Variants in CSMD1 observed in about 807,000 individuals in gnomAD.
CSMD1 encodes CUB and sushi domain-containing protein 1.
Under a neutral mutation model 417.5 loss-of-function variants are expected in CSMD1, and 213 were observed. That is an observed-to-expected ratio of 0.51 (90% confidence interval 0.46 to 0.57). The LOEUF is 0.57. CSMD1 is among the 20% of genes least tolerant of loss of function. CSMD1 has a pLI of 0.00. For missense variants in CSMD1, 6,923 were observed against 4,529.7 expected (o/e 1.53, Z -15.17); for synonymous variants, 2,862 against 1,736.8 (o/e 1.65, Z -16.11).
chr8:4,599,243 AT>A (rs1800452458), intron 2 of CSMD1, among the ~76,000 whole-genome samples: 1 of 152,204 alleles, frequency 6.6e-6, no homozygotes, highest in African/African-American at 2.4e-5. Flanking sequence ...AGATTAAATA[AT>A]TCTACCCCAT....
intron 8 of CSMD1, among the ~76,000 whole-genome samples, chr8:3,588,849 C>A (rs763029568): frequency 6.6e-6 from 1 of 152,034 alleles, no homozygotes; most frequent in African/African-American, 2.4e-5. Flanking sequence ...GCGTTCATAT[C>A]CACAAATACA....
intron 3 of CSMD1, among the ~76,000 whole-genome samples, chr8:4,149,912 C>G (rs527770053): frequency 2.0e-4 from 30 of 152,290 alleles, no homozygotes; most frequent in African/African-American, 7.2e-4. Flanking sequence ...TAATCTACCT[C>G]TTGGTGTTTT....
At position 4,063,667 on chromosome 8, in the gene CSMD1, C is replaced by G. The variant is rs1585234188; in HGVS notation, c.416-31568G>C. Reference sequence around the variant, plus strand: ...AGGTGCTGCCTCCCTGAGGGGCATTCTACCAGGAAGGATAAGCATGGACCA... The same window carrying G: ...AGGTGCTGCCTCCCTGAGGGGCATTGTACCAGGAAGGATAAGCATGGACCA... On this transcript the variant is annotated intron_variant, in intron 3 of 69. Coordinates refer to ENST00000635120, the MANE Select transcript of CSMD1 (RefSeq NM_033225.6). Among the ~76,000 whole-genome samples the G allele has an allele frequency of 2.0e-5, 3 of 152,180 alleles. No homozygotes were observed. In the South Asian group the frequency reaches 6.2e-4, roughly 32 times the overall value.
chr8:2,993,997 A>G (rs561439618), intron 54 of CSMD1, among the ~76,000 whole-genome samples: 4,222 of 149,234 alleles, frequency 0.028, 89 homozygotes, highest in Non-Finnish European at 0.034. Context: ...AAAAAAAAAG[A>G]AAAAAAATTA....
intron 3 of CSMD1, among the ~76,000 whole-genome samples, chr8:4,236,723 G>A (rs1227310106): frequency 1.3e-5 from 2 of 152,118 alleles, no homozygotes; most frequent in Admixed American, 6.5e-5. Context: ...AATAATCACT[G>A]TGCCTTCGAA....
At chr8:4,247,098 T>C (rs1032739405) in intron 3 of CSMD1, among the ~76,000 whole-genome samples, 2 of 152,196 alleles carry the variant, frequency 1.3e-5, no homozygotes, top group African/African-American at 4.8e-5. Context: ...TACGGTCTAG[T>C]GAAGAAAACG....
At chr8:3,364,838 T>A (rs2221340) in intron 20 of CSMD1, among the ~76,000 whole-genome samples, 28,347 of 152,152 alleles carry the variant, frequency 0.19, 3,060 homozygotes, top group South Asian at 0.32. Flanking sequence ...TAGTCTCAGG[T>A]ATGCTGTTAT....
At chr8:4,468,110 A>C (rs1219125220) in intron 2 of CSMD1, among the ~76,000 whole-genome samples, 3 of 152,124 alleles carry the variant, frequency 2.0e-5, no homozygotes, top group African/African-American at 7.2e-5. Flanking sequence ...CCGCTTTCTA[A>C]AATTCAGATA....
chr8:3,726,036 G>C (rs1264254466), intron 6 of CSMD1, among the ~76,000 whole-genome samples: 2 of 152,122 alleles, frequency 1.3e-5, no homozygotes, highest in Non-Finnish European at 1.5e-5. Context: ...CTCTCTTGAA[G>C]AATTATGCAG....
intron 2 of CSMD1, among the ~76,000 whole-genome samples, chr8:4,480,823 C>T (rs1228707184): frequency 6.6e-6 from 1 of 152,152 alleles, no homozygotes; most frequent in Non-Finnish European, 1.5e-5. Flanking sequence ...AGGCCGACTG[C>T]CACATTCAGG....
At chr8:4,328,749 A>G (rs1563060519) in intron 3 of CSMD1, among the ~76,000 whole-genome samples, 1 of 152,192 alleles carries the variant, frequency 6.6e-6, no homozygotes, top group Non-Finnish European at 1.5e-5. Flanking sequence ...TTTTATCAAA[A>G]AAGTTACATC....
intron 1 of CSMD1, among the ~76,000 whole-genome samples, chr8:4,792,396 C>T (rs780791521): frequency 7.2e-5 from 11 of 152,182 alleles, no homozygotes; most frequent in Non-Finnish European, 1.3e-4. Context: ...GACATTTCGT[C>T]TTTTCATCTC....
At chr8:4,899,715 A>T (rs1434126865) in intron 1 of CSMD1, among the ~76,000 whole-genome samples, 1 of 152,204 alleles carries the variant, frequency 6.6e-6, no homozygotes, top group Non-Finnish European at 1.5e-5. Flanking sequence ...ATTTCTAATC[A>T]TATCTCACTG....
At chr8:3,349,696 ATG>A (rs1808262289) in intron 21 of CSMD1, among the ~76,000 whole-genome samples, 1 of 148,962 alleles carries the variant, frequency 6.7e-6, no homozygotes, top group African/African-American at 2.5e-5. Context: ...AGAAATTTAT[ATG>A]TATATATACT....
intron 10 of CSMD1, among the ~76,000 whole-genome samples, chr8:3,513,547 T>C (rs1797166123): frequency 6.6e-6 from 1 of 152,174 alleles, no homozygotes; most frequent in Non-Finnish European, 1.5e-5. Flanking sequence ...ACACCTATCC[T>C]GTTAGTTCTG....
chr8:3,591,748 G>A (rs140798619), intron 8 of CSMD1, among the ~76,000 whole-genome samples: 15 of 150,426 alleles, frequency 1.0e-4, no homozygotes, highest in African/African-American at 2.9e-4. Context: ...ACAGATAAAC[G>A]GAGAGACAGA....
intron 11 of CSMD1, among the ~76,000 whole-genome samples, chr8:3,487,238 GTCTCC>G (rs1164957520): frequency 1.3e-5 from 2 of 152,014 alleles, no homozygotes; most frequent in Non-Finnish European, 2.9e-5. Flanking sequence ...GTCTAGCTCT[GTCTCC>G]CAGGCTGGAG....
At chr8:4,886,529 T>G (rs2116980094) in intron 1 of CSMD1, among the ~76,000 whole-genome samples, 1 of 152,082 alleles carries the variant, frequency 6.6e-6, no homozygotes, top group African/African-American at 2.4e-5. Flanking sequence ...AGTTGGAAAG[T>G]GTTTCCTTCT....
chr8:4,960,155 C>A (rs1809383058), intron 1 of CSMD1, among the ~76,000 whole-genome samples: 1 of 152,114 alleles, frequency 6.6e-6, no homozygotes, highest in African/African-American at 2.4e-5. Flanking sequence ...GTACTAGACC[C>A]ACAAAACTCT....
Sources: allele counts gnomAD v4.1 joint callset (sites outside exome capture counted in the v4.1 genomes callset), GRCh38; gene constraint gnomAD v4.1.1; transcripts MANE v1.5; gene names NCBI Gene and HGNC (gene_info 2026-07-23, HGNC 2026-07-21).